Variants in CNTN6 observed in about 807,000 individuals in gnomAD.
CNTN6 encodes the protein contactin-6.
Under a neutral mutation model 122.8 loss-of-function variants are expected in CNTN6, and 137 were observed. That is an observed-to-expected ratio of 1.12 (90% CI 0.97 to 1.29). CNTN6 has a LOEUF of 1.29. CNTN6 is among the 50% of genes most tolerant of loss of function. CNTN6 has a pLI of 0.00. For missense variants in CNTN6, 1,634 were observed against 1,223.4 expected (o/e 1.34, Z -5.01); for synonymous variants, 570 against 426.0 (o/e 1.34, Z -4.16).
chr3:1,336,526 G>T (rs1036328376), intron 11 of CNTN6, among the ~76,000 whole-genome samples: 4 of 152,094 alleles, frequency 2.6e-5, no homozygotes, highest in African/African-American at 9.7e-5. Context: ...CGGACAGCTG[G>T]ACTCTCTGGA....
At chr3:1,123,191 G>A (rs1489190297) in intron 1 of CNTN6, among the ~76,000 whole-genome samples, 1 of 151,810 alleles carries the variant, frequency 6.6e-6, no homozygotes, top group African/African-American at 2.4e-5. Flanking sequence ...AAAAGCCATT[G>A]GAATTTTAAC....
chr3:1,226,894 TA>T (rs1206849367), intron 3 of CNTN6, among the ~76,000 whole-genome samples: 4 of 152,182 alleles, frequency 2.6e-5, no homozygotes, highest in Admixed American at 2.0e-4. Flanking sequence ...GTGTTTATTT[TA>T]AAAAATGGTC....
chr3:1,402,255 A>G, intron 21 of CNTN6, 63 bp from the exon 22 acceptor site: 4 of 1,332,910 alleles, frequency 3.0e-6, no homozygotes, highest in Non-Finnish European at 4.2e-6. Context: ...GTGTTCCAGA[A>G]CAGTTGTGTG....
chr3:1,369,462 C>A (rs1027981730), intron 12 of CNTN6, among the ~76,000 whole-genome samples: 3 of 149,244 alleles, frequency 2.0e-5, no homozygotes, highest in African/African-American at 7.4e-5. Flanking sequence ...ATTACATGCT[C>A]AATAAATATT....
chr3:1,273,964 A>C (rs1691846929), intron 4 of CNTN6, among the ~76,000 whole-genome samples: 2 of 152,188 alleles, frequency 1.3e-5, no homozygotes, highest in South Asian at 4.1e-4. Context: ...ACACTGAGAG[A>C]ATTCAATCCA....
At chr3:1,143,856 C>G (rs1575005200) in intron 1 of CNTN6, among the ~76,000 whole-genome samples, 1 of 152,160 alleles carries the variant, frequency 6.6e-6, no homozygotes, top group African/African-American at 2.4e-5. Flanking sequence ...ATCAAACCAT[C>G]TTAGAATATT....
intron 5 of CNTN6, among the ~76,000 whole-genome samples, chr3:1,278,940 A>T (rs1692897836): frequency 6.6e-6 from 1 of 152,208 alleles, no homozygotes; most frequent in Non-Finnish European, 1.5e-5. Flanking sequence ...GAGCTAATAA[A>T]TGTAAATTGA....
At chr3:1,275,270 CA>C (rs1252537365) in intron 4 of CNTN6, among the ~76,000 whole-genome samples, 1 of 152,174 alleles carries the variant, frequency 6.6e-6, no homozygotes, top group Non-Finnish European at 1.5e-5. Flanking sequence ...TACTCATAGC[CA>C]ACTCTAAAGA....
chr3:1,281,297 C>A (rs975465088), intron 5 of CNTN6, among the ~76,000 whole-genome samples: 1 of 152,074 alleles, frequency 6.6e-6, no homozygotes, highest in Non-Finnish European at 1.5e-5. Context: ...CACAGAGAAA[C>A]GTCCTAGAAA....
rs1423910853 is a variant in CNTN6 at position 1,374,012 on chromosome 3, C to A, written c.2034C>A (p.Gly678=). The A allele has an allele frequency of 3.1e-6, 5 of 1,612,994 alleles. No homozygotes were observed. The African/African-American group carries it at 6.7e-5, about 22-fold the overall frequency. ...WVEYEFRVVA[G]NSIGIGEPSE... Reference sequence around the variant, plus strand: ...AATATGAATTTCGTGTTGTTGCCGGCAACAGCATTGGGATTGGAGAACCAA... The same window carrying A: ...AATATGAATTTCGTGTTGTTGCCGGAAACAGCATTGGGATTGGAGAACCAA... The change falls in exon 16 of 23, where the codon GGC becomes GGA. Residue 678 remains glycine, a synonymous_variant. Transcript: ENST00000446702.
intron 4 of CNTN6, among the ~76,000 whole-genome samples, chr3:1,276,199 A>T (rs1449266287): frequency 6.6e-6 from 1 of 152,198 alleles, no homozygotes; most frequent in African/African-American, 2.4e-5. Context: ...GTATTTTTTT[A>T]AAAATTCATT....
At chr3:1,382,216 G>C (rs1692002820) in intron 17 of CNTN6, among the ~76,000 whole-genome samples, 1 of 152,018 alleles carries the variant, frequency 6.6e-6, no homozygotes, top group Admixed American at 6.6e-5. Context: ...TTCAAGTACA[G>C]ATTCATTTTA....
intron 1 of CNTN6, among the ~76,000 whole-genome samples, chr3:1,118,404 A>C (rs1427348861): frequency 6.6e-6 from 1 of 152,190 alleles, no homozygotes; most frequent in Non-Finnish European, 1.5e-5. Flanking sequence ...TTTATTTCTA[A>C]ACAAAGCCTA....
chr3:1,160,367 T>TATATATAC (rs1491110079), intron 2 of CNTN6, among the ~76,000 whole-genome samples: 13 of 112,560 alleles, frequency 1.2e-4, no homozygotes, highest in African/African-American at 4.3e-4. Flanking sequence ...TATATATATA[T>TATATATAC]ACACACTACC....
At chr3:1,301,159 C>A (rs911419525) in intron 7 of CNTN6, among the ~76,000 whole-genome samples, 1 of 151,218 alleles carries the variant, frequency 6.6e-6, no homozygotes, top group African/African-American at 2.4e-5. Flanking sequence ...GCCTCAGCCT[C>A]CAGAGTAGCT....
intron 1 of CNTN6, among the ~76,000 whole-genome samples, chr3:1,144,365 C>T (rs983927365): frequency 1.3e-5 from 2 of 152,048 alleles, no homozygotes; most frequent in Admixed American, 1.3e-4. Flanking sequence ...CACTGGACAT[C>T]AGGAGTTCAA....
chr3:1,226,660 C>T (rs555152208), intron 3 of CNTN6, among the ~76,000 whole-genome samples: 1 of 152,286 alleles, frequency 6.6e-6, no homozygotes, highest in East Asian at 1.9e-4. Context: ...GGACTGTCTA[C>T]TCTTCATCAA....
rs1010896229 is a variant in CNTN6, at chr3:1,384,887, C to T, written c.2518-724C>T. 5.3e-5 allele frequency among the ~76,000 whole-genome samples: 8 copies of T among 150,274 alleles called. No homozygotes were observed. In the East Asian group the frequency reaches 1.6e-3, roughly 29 times the overall value. The stretch of plus-strand genomic sequence containing the variant: ...CTACTCTCAGGACAGGTGTCTTTTC[C>T]ACTCCATGCCAAGAATGCCTTACCT... On this transcript the variant is annotated intron_variant, in intron 19 of 22. Transcript: ENST00000446702.
At chr3:1,177,219 T>C (rs1445724710) in intron 2 of CNTN6, among the ~76,000 whole-genome samples, 1 of 152,194 alleles carries the variant, frequency 6.6e-6, no homozygotes, top group African/African-American at 2.4e-5. Flanking sequence ...CAATGTTGGT[T>C]TGATATTTTA....
Sources: allele counts gnomAD v4.1 joint callset (sites outside exome capture counted in the v4.1 genomes callset), GRCh38; gene constraint gnomAD v4.1.1; transcripts MANE v1.5; gene names NCBI Gene and HGNC (gene_info 2026-07-23, HGNC 2026-07-21).